The following SLC12A8 variants were observed in gnomAD, a reference collection of about 807,000 sequenced individuals.
The protein encoded by SLC12A8 is solute carrier family 12 member 8, also known as cation-chloride cotransporter 9.
A neutral mutation model predicts 75.6 loss-of-function variants in SLC12A8; 69 were observed. The ratio of observed to expected loss-of-function variants is 0.91; its 90% CI spans 0.75 to 1.11. The LOEUF is 1.11. SLC12A8 is among the 50% of genes most tolerant of loss of function. The pLI, the probability that SLC12A8 is intolerant of heterozygous loss-of-function variation, is 0.00. For missense variants in SLC12A8, 877 were observed against 896.7 expected (o/e 0.98, Z 0.28); for synonymous variants, 365 against 372.8 (o/e 0.98, Z 0.24).
intron 2 of SLC12A8, among the ~76,000 whole-genome samples, chr3:125,198,460 CCA>C (rs891698098): frequency 3.9e-5 from 6 of 151,994 alleles, no homozygotes; most frequent in African/African-American, 1.4e-4. Context: ...TGGTGAAACC[CCA>C]CCTCTACTAA....
intron 3 of SLC12A8, among the ~76,000 whole-genome samples, chr3:125,187,924 A>G (rs562161481): frequency 1.3e-5 from 2 of 152,318 alleles, no homozygotes; most frequent in South Asian, 4.1e-4. Flanking sequence ...GCCAGGGCTT[A>G]GTACTTTTCA....
intron 12 of SLC12A8, among the ~76,000 whole-genome samples, chr3:125,089,910 C>T (rs1938545611): frequency 1.3e-5 from 2 of 151,628 alleles, no homozygotes; most frequent in South Asian, 4.2e-4. Context: ...TCCTTAGCTA[C>T]ATCCCACAAT....
At chr3:125,149,100 T>C (rs964757361) in intron 5 of SLC12A8, among the ~76,000 whole-genome samples, 1 of 152,148 alleles carries the variant, frequency 6.6e-6, no homozygotes, top group Non-Finnish European at 1.5e-5. Context: ...AGCTGGTGAC[T>C]GCATGTGGCA....
chr3:125,201,702 GAAAAAAAAA>G (rs141256499), intron 2 of SLC12A8, among the ~76,000 whole-genome samples: 25 of 95,548 alleles, frequency 2.6e-4, no homozygotes, highest in African/African-American at 9.0e-4. Flanking sequence ...AGCCATGATT[GAAAAAAAAA>G]AAAAAAAAAA....
At chr3:125,126,395 G>A (rs889925088) in intron 6 of SLC12A8, among the ~76,000 whole-genome samples, 3 of 152,144 alleles carry the variant, frequency 2.0e-5, no homozygotes, top group African/African-American at 7.2e-5. Flanking sequence ...GCCAGAAAAT[G>A]AATCAACCCC....
In SLC12A8 at chr3:125,181,155, CAT is replaced by C. The variant is rs544432086; in HGVS notation, c.391-3183_391-3182del. ...AAATGCAATAGAAAAATAACTGACA[CAT>C]GTTGCCAAAGTCAAAAGAAATGAAA... On this transcript the variant is annotated intron_variant, in intron 4 of 13. Transcript: ENST00000469902. 4.7e-4 allele frequency among the ~76,000 whole-genome samples: 72 copies of C among 152,198 alleles called. 2 individuals are homozygous for C. In the South Asian group the frequency reaches 0.015, roughly 31 times the overall value.
At chr3:125,184,580 T>C (rs1233914508) in intron 4 of SLC12A8, among the ~76,000 whole-genome samples, 2 of 151,954 alleles carry the variant, frequency 1.3e-5, no homozygotes, top group Non-Finnish European at 1.5e-5. Context: ...GGAATCTGTT[T>C]TGACAATCAT....
intron 5 of SLC12A8, among the ~76,000 whole-genome samples, chr3:125,163,056 C>A (rs1484327286): frequency 5.9e-5 from 9 of 152,140 alleles, no homozygotes; most frequent in Non-Finnish European, 1.2e-4. Context: ...ATAATCCCAG[C>A]CCTTTGGGAG....
intron 8 of SLC12A8, among the ~76,000 whole-genome samples, chr3:125,111,563 G>A (rs116924435): frequency 1.1e-3 from 163 of 152,236 alleles, no homozygotes; most frequent in African/African-American, 3.7e-3. Flanking sequence ...GTACTCATGC[G>A]TCCAATGCTT....
chr3:125,170,091 A>G (rs986345564), intron 5 of SLC12A8, among the ~76,000 whole-genome samples: 2 of 152,220 alleles, frequency 1.3e-5, no homozygotes, highest in African/African-American at 4.8e-5. Flanking sequence ...AAAGAAAAAG[A>G]TTACATTTTT....
intron 5 of SLC12A8, among the ~76,000 whole-genome samples, chr3:125,160,628 G>A (rs1934146231): frequency 6.6e-6 from 1 of 152,190 alleles, no homozygotes; most frequent in South Asian, 2.1e-4. Context: ...AGCGGGTGAC[G>A]CTTATAACAC....
Position 125,092,156 on chromosome 3 carries a change from C to T in SLC12A8, c.1748G>A (p.Arg583Lys). The change falls in exon 11 of 14, where the codon AGA becomes AAA. Residue 583 changes from arginine to lysine, a missense_variant. Arg to Lys is a conservative substitution (Grantham distance 26). Transcript: ENST00000469902. ...GTGGGTATAGAAAGAAGTGGATCTT[C>T]TCCAGACATCTTGTTCTTGGAGCCT... ...KSRLQEQDVW[R>K]RSTSFYTHMC... 1.2e-6 allele frequency: 2 copies of T among 1,613,102 alleles called. No individual in the cohort carries two copies. Among genetic ancestry groups the T allele is most frequent in the East Asian group, 4.5e-5 (2 of 44,840 alleles).
Position 125,091,469 on chromosome 3 carries a change from T to G in SLC12A8, c.1891A>C (p.Ile631Leu). ...TGAAGCCCTGGACTGGCCCGGCCAA[T>G]GTAGAAATACACGATGGCAGCAACA... ...MGVAAIVYFY[I>L]GRASPGLHLG... Residue 631 changes from isoleucine to leucine, a missense_variant, in exon 12 of 14, where the codon ATT becomes CTT. Physicochemically the swap from Ile to Leu is conservative, Grantham distance 5. Coordinates refer to ENST00000469902, the MANE Select transcript of SLC12A8 (RefSeq NM_024628.6). 1 of 1,613,874 alleles carries G rather than the reference T, an allele frequency of 6.2e-7. No individual in the cohort carries two copies. The highest frequency in any genetic ancestry group is 8.5e-7 in the Non-Finnish European group (1 of 1,179,850).
chr3:125,100,200 A>C (rs1007972979), intron 10 of SLC12A8, among the ~76,000 whole-genome samples: 4 of 152,218 alleles, frequency 2.6e-5, no homozygotes, highest in Non-Finnish European at 5.9e-5. Flanking sequence ...TCCCACAGGG[A>C]CAGGAGAAAA....
intron 2 of SLC12A8, among the ~76,000 whole-genome samples, chr3:125,193,065 C>T (rs1252345473): frequency 6.6e-6 from 1 of 152,196 alleles, no homozygotes; most frequent in Non-Finnish European, 1.5e-5. Context: ...TCCCAGGCAT[C>T]CATGTAGAAA....
chr3:125,120,935 C>G, intron 6 of SLC12A8: 1 of 688,628 alleles, frequency 1.5e-6, no homozygotes, highest in South Asian at 1.5e-5. Context: ...GCTCCAAAAG[C>G]ATCCTACCGC....
At chr3:125,139,365 G>A (rs573843956) in intron 5 of SLC12A8, among the ~76,000 whole-genome samples, 1 of 152,284 alleles carries the variant, frequency 6.6e-6, no homozygotes. Context: ...TGGATCTGGT[G>A]GCCCATCCCT....
At chr3:125,091,200 G>A (rs192972667) in intron 12 of SLC12A8, among the ~76,000 whole-genome samples, 2 of 152,008 alleles carry the variant, frequency 1.3e-5, no homozygotes, top group African/African-American at 4.8e-5. Context: ...GCTAGCTCTT[G>A]GACTATTGTT....
intron 5 of SLC12A8, among the ~76,000 whole-genome samples, chr3:125,145,816 C>CT (rs1392625883): frequency 1.3e-5 from 2 of 152,010 alleles, no homozygotes; most frequent in Non-Finnish European, 2.9e-5. Context: ...CTCAAAATAT[C>CT]TTTTTTATTC....
Sources: allele counts gnomAD v4.1 joint callset (sites outside exome capture counted in the v4.1 genomes callset), GRCh38; gene constraint gnomAD v4.1.1; transcripts MANE v1.5; gene names NCBI Gene and HGNC (gene_info 2026-07-23, HGNC 2026-07-21).